NF1: variants seen among roughly 807,000 people sequenced by gnomAD.
NF1 encodes the protein neurofibromin 1, also known as neurofibromin.
Under a neutral mutation model 325.7 loss-of-function variants are expected in NF1, and 122 were observed. The ratio of observed to expected loss-of-function variants is 0.37; its 90% CI spans 0.32 to 0.44. The LOEUF (loss-of-function observed/expected upper bound fraction) is 0.44. NF1 is among the 20% of genes least tolerant of loss of function. The pLI is 1.00. For missense variants in NF1, 2,140 were observed against 3,415.4 expected (o/e 0.63, Z 9.31); for synonymous variants, 1,091 against 1,186.0 (o/e 0.92, Z 1.65).
chr17:31,246,199 A>C lies in NF1; in HGVS notation c.3975-2785A>C, dbSNP rs17881229. On this transcript the variant is annotated intron_variant, in intron 29 of 57. Transcript: ENST00000358273. The stretch of plus-strand genomic sequence containing the variant: ...TCAGCACCTGATACTAAGATGGCAG[A>C]TAGTAGATGTGCACTAAATATTTAT... Among the ~76,000 whole-genome samples, 1,300 of 152,376 alleles carry C rather than the reference A, an allele frequency of 8.5e-3. 14 individuals are homozygous for C. Among genetic ancestry groups the C allele is most frequent in the African/African-American group, 0.03 (1,234 of 41,592 alleles).
At chr17:31,129,363 C>T (rs2143448873) in intron 1 of NF1, among the ~76,000 whole-genome samples, 1 of 151,090 alleles carries the variant, frequency 6.6e-6, no homozygotes, top group African/African-American at 2.4e-5. Context: ...TCTTGTCTGT[C>T]TTCTTATTTC....
intron 1 of NF1, among the ~76,000 whole-genome samples, chr17:31,103,080 A>G (rs1421941435): frequency 4.6e-5 from 7 of 152,106 alleles, no homozygotes; most frequent in Middle Eastern, 3.2e-3. Context: ...ACCTCAAACA[A>G]TCCACCTGCC....
At chr17:31,340,705 T>G in intron 47 of NF1, 60 bp downstream of exon 47, 2 of 1,543,792 alleles carry the variant, frequency 1.3e-6, no homozygotes, top group South Asian at 2.3e-5. Flanking sequence ...TTCCATCTTT[T>G]CTTGTTGCTA....
rs1478060352 is a variant in NF1 at position 31,375,026 on chromosome 17, A to AT, written c.*872dup. ...AAGTATAGTAATTATATATATATATATATTTTTTCCCCTCCCCCTCTTCTT... is the reference window on the plus strand; with the variant it reads ...AAGTATAGTAATTATATATATATATATTATTTTTTCCCCTCCCCCTCTTCTT... On this transcript the variant is annotated 3_prime_UTR_variant, in exon 58 of 58. Coordinates refer to ENST00000358273, the MANE Select transcript of NF1 (RefSeq NM_001042492.3). 763 of 197,546 alleles carry AT rather than the reference A, an allele frequency of 3.9e-3. 9 individuals are homozygous for AT. Among genetic ancestry groups the AT allele is most frequent in the African/African-American group, 0.018 (724 of 40,196 alleles). The allele number at this position is 197,546 out of a possible 1,614,324, so 12.2% of individuals were successfully genotyped here.
At chr17:31,159,852 C>A (rs17879520) in intron 3 of NF1, among the ~76,000 whole-genome samples, 1,732 of 152,152 alleles carry the variant, frequency 0.011, 27 homozygotes, top group African/African-American at 0.039. Context: ...GTTCTCTCTT[C>A]CTTTGGCTCA....
intron 36 of NF1, chr17:31,318,359 TTGTAGC>T (rs1177174018): frequency 3.1e-6 from 5 of 1,613,738 alleles, no homozygotes; most frequent in African/African-American, 2.7e-5. Flanking sequence ...TTTCTTTCCC[TTGTAGC>T]TGTGAGCACT....
chr17:31,263,559 C>T (rs1051942448), intron 35 of NF1, among the ~76,000 whole-genome samples: 8 of 151,108 alleles, frequency 5.3e-5, no homozygotes, highest in Admixed American at 5.3e-4. Flanking sequence ...GACATCCTAG[C>T]CATTTTTCTA....
At position 31,352,314 on chromosome 17, in the gene NF1, A is replaced by C. The variant is rs768857964; in HGVS notation, c.7515A>C (p.Ala2505=). The part of the protein sequence containing the change: ...SSPKGSEGYL[A]ATYPTVGQTS... ...CCAAAGGTTCTGAAGGATACCTTGC[A>C]GCCACCTATCCAACTGTCGGCCAGA... The change falls in exon 51 of 58, where the codon GCA becomes GCC. Residue 2505 remains alanine (A), a synonymous_variant. Coordinates refer to ENST00000358273, the MANE Select transcript of NF1 (RefSeq NM_001042492.3). 6.2e-6 allele frequency: 10 copies of C among 1,614,176 alleles called. No individual in the cohort carries two copies. The South Asian group carries it at 8.8e-5, about 14-fold the overall frequency.
At chr17:31,133,660 T>G (rs1447146927) in intron 1 of NF1, 1 of 152,252 alleles carries the variant, frequency 6.6e-6, no homozygotes. Flanking sequence ...TTTGTGTCTT[T>G]TTTTTTATTT....
chr17:31,222,492 C>G (rs2066942631), intron 15 of NF1: 1 of 1,028,764 alleles, frequency 9.7e-7, no homozygotes, highest in Non-Finnish European at 1.2e-6. Context: ...TCAAGTTTGC[C>G]ATTATCTTAT....
At chr17:31,170,708 A>G (rs1233311856) in intron 5 of NF1, among the ~76,000 whole-genome samples, 5 of 152,224 alleles carry the variant, frequency 3.3e-5, no homozygotes, top group East Asian at 1.9e-4. Context: ...TCAGATACCA[A>G]TGAGTATTCA....
chr17:31,369,625 G>A (rs924648026), intron 57 of NF1, among the ~76,000 whole-genome samples: 1 of 152,198 alleles, frequency 6.6e-6, no homozygotes, highest in Non-Finnish European at 1.5e-5. Context: ...GAGAGCCAAT[G>A]CTTTAGGGGC....
chr17:31,188,849 G>A (rs2066287890), intron 8 of NF1, among the ~76,000 whole-genome samples: 1 of 152,100 alleles, frequency 6.6e-6, no homozygotes, highest in African/African-American at 2.4e-5. Flanking sequence ...CTCCAGCGTC[G>A]GTCTTCAAGT....
intron 24 of NF1, 85 bp from the exon 25 acceptor site, chr17:31,231,988 G>A (rs1393116774): frequency 1.3e-6 from 1 of 762,508 alleles, no homozygotes; most frequent in East Asian, 2.7e-5. Flanking sequence ...ATATCTGTTA[G>A]TAAGAGGTTT....
rs139147882 is a variant in NF1, at chr17:31,374,184, A to G, written c.*29A>G. Reference sequence around the variant, plus strand: ...TTGCTTGCTTTCTTTTTTAAAATCAACTTAACATGGGCTCTTCACTAGTGA... The same window carrying G: ...TTGCTTGCTTTCTTTTTTAAAATCAGCTTAACATGGGCTCTTCACTAGTGA... On this transcript the variant is annotated 3_prime_UTR_variant, in exon 58 of 58. Transcript: ENST00000358273. 909 of 1,613,698 alleles carry G rather than the reference A, an allele frequency of 5.6e-4. 7 individuals carry two copies. The South Asian group carries it at 6.1e-3, about 11-fold the overall frequency.
chr17:31,327,917 A>G (rs1597832596), intron 38 of NF1, 78 bp downstream of exon 38: 3 of 1,318,752 alleles, frequency 2.3e-6, no homozygotes, highest in Non-Finnish European at 3.2e-6. Context: ...GAATTTTAAA[A>G]CAGCCTCTAC....
At chr17:31,361,677 A>T (rs1039933075) in intron 57 of NF1, 12 of 152,190 alleles carry the variant, frequency 7.9e-5, no homozygotes, top group South Asian at 2.1e-4. Flanking sequence ...GCATAAATTT[A>T]AAAAAAATCC....
intron 36 of NF1, chr17:31,305,335 G>GGTTTTTCAGAAGAGGTATAGACAGCT: frequency 6.2e-7 from 1 of 1,614,128 alleles, no homozygotes; most frequent in Non-Finnish European, 8.5e-7. Context: ...ATGTGCTTCT[G>GGTTTTTCAGAAGAGGTATAGACAGCT]GTTTTTCAGA....
rs1179473935 is a variant in NF1 at position 31,374,993 on chromosome 17, AC to A, written c.*839del. Reference sequence around the variant, plus strand: ...TGTGTTTTGTTTTTTGTAAACCAAAACTATACTAAGTATAGTAATTATATAT... The same window carrying A: ...TGTGTTTTGTTTTTTGTAAACCAAAATATACTAAGTATAGTAATTATATAT... On this transcript the variant is annotated 3_prime_UTR_variant, in exon 58 of 58. Coordinates refer to ENST00000358273, the MANE Select transcript of NF1 (RefSeq NM_001042492.3). The A allele has an allele frequency of 7.3e-5, 15 of 206,816 alleles. No homozygotes were observed. The highest frequency in any genetic ancestry group is 3.6e-4 in the African/African-American group (15 of 42,044). The allele number at this position is 206,816 out of a possible 1,614,324, so 12.8% of individuals were successfully genotyped here. A position where few individuals can be genotyped will look rare whatever the true frequency, so the allele number is the denominator to read the frequency against.
Sources: allele counts gnomAD v4.1 joint callset (sites outside exome capture counted in the v4.1 genomes callset), GRCh38; gene constraint gnomAD v4.1.1; transcripts MANE v1.5; gene names NCBI Gene and HGNC (gene_info 2026-07-23, HGNC 2026-07-21).